The following ZFPM2 variants were observed in gnomAD, a reference collection of about 807,000 sequenced individuals.
ZFPM2 encodes zinc finger protein ZFPM2.
Under a neutral mutation model 98.6 loss-of-function variants are expected in ZFPM2, and 20 were observed. The observed-to-expected ratio is 0.20, with a 90% CI of 0.14 to 0.29. The LOEUF is 0.29. ZFPM2 is among the 10% of genes least tolerant of loss of function. The probability of loss-of-function intolerance (pLI) is 1.00; values close to 1 mark genes in which losing one functional copy is unlikely to be tolerated. For synonymous variants in ZFPM2, 518 were observed against 502.7 expected (o/e 1.03, Z -0.41); for missense variants, 1,310 against 1,388.6 (o/e 0.94, Z 0.90).
intron 4 of ZFPM2, among the ~76,000 whole-genome samples, chr8:105,577,037 T>C (rs116206259): frequency 0.013 from 1,943 of 152,272 alleles, 51 homozygotes; most frequent in African/African-American, 0.045. Context: ...ACAGTTTTCC[T>C]CTGCTGAATC....
chr8:105,543,479 A>T (rs1814624534), intron 3 of ZFPM2, among the ~76,000 whole-genome samples: 1 of 152,156 alleles, frequency 6.6e-6, no homozygotes. Flanking sequence ...GGGGAATTTA[A>T]TCATATGGGC....
intron 1 of ZFPM2, among the ~76,000 whole-genome samples, chr8:105,383,366 G>A (rs1370591526): frequency 6.6e-6 from 1 of 152,144 alleles, no homozygotes; most frequent in Non-Finnish European, 1.5e-5. Flanking sequence ...GTCATAGAAA[G>A]CATACAGAGT....
intron 5 of ZFPM2, among the ~76,000 whole-genome samples, chr8:105,727,192 A>G (rs1454710429): frequency 2.0e-5 from 3 of 151,126 alleles, no homozygotes; most frequent in Non-Finnish European, 4.4e-5. Context: ...ATTGCTGGGT[A>G]CAAGAGTACA....
chr8:105,560,169 CA>C (rs34623592), intron 3 of ZFPM2, among the ~76,000 whole-genome samples: 50 of 67,602 alleles, frequency 7.4e-4, no homozygotes, highest in Admixed American at 3.0e-3. Flanking sequence ...AACTCTGTCT[CA>C]AAAAAAAAAA....
intron 5 of ZFPM2, among the ~76,000 whole-genome samples, chr8:105,757,549 G>A (rs1812631886): frequency 1.3e-5 from 2 of 152,060 alleles, no homozygotes; most frequent in Admixed American, 6.6e-5. Flanking sequence ...TATACTTTAT[G>A]ACTCCATAAT....
At chr8:105,687,259 C>T (rs2130930883) in intron 5 of ZFPM2, among the ~76,000 whole-genome samples, 1 of 152,254 alleles carries the variant, frequency 6.6e-6, no homozygotes, top group East Asian at 1.9e-4. Flanking sequence ...GAAATATATG[C>T]TGTTGTTGTT....
intron 3 of ZFPM2, among the ~76,000 whole-genome samples, chr8:105,554,301 T>C (rs1299873117): frequency 1.3e-5 from 2 of 152,154 alleles, no homozygotes; most frequent in Non-Finnish European, 2.9e-5. Context: ...AGTTTGGCTG[T>C]GAAGATAATC....
chr8:105,682,568 T>C (rs1169991628), intron 5 of ZFPM2, among the ~76,000 whole-genome samples: 1 of 152,160 alleles, frequency 6.6e-6, no homozygotes, highest in Non-Finnish European at 1.5e-5. Context: ...TGATTGGATT[T>C]ATACATCTTG....
intron 4 of ZFPM2, among the ~76,000 whole-genome samples, chr8:105,595,287 A>G (rs1444456820): frequency 6.6e-6 from 1 of 152,024 alleles, no homozygotes; most frequent in Non-Finnish European, 1.5e-5. Context: ...GTGTCTCTAG[A>G]CAAGAGAGAA....
intron 5 of ZFPM2, among the ~76,000 whole-genome samples, chr8:105,726,915 C>T (rs923735468): frequency 2.6e-5 from 4 of 151,138 alleles, no homozygotes; most frequent in African/African-American, 2.4e-5. Flanking sequence ...ATAGAACATG[C>T]GAAGAGTATG....
At chr8:105,665,258 T>C (rs1817467365) in intron 5 of ZFPM2, among the ~76,000 whole-genome samples, 1 of 152,136 alleles carries the variant, frequency 6.6e-6, no homozygotes, top group Admixed American at 6.5e-5. Context: ...CCCAAACACC[T>C]TTCACTAGGG....
At chr8:105,637,804 A>G (rs1007702263) in intron 5 of ZFPM2, among the ~76,000 whole-genome samples, 1 of 152,122 alleles carries the variant, frequency 6.6e-6, no homozygotes, top group Admixed American at 6.6e-5. Flanking sequence ...CCTCAAAGCA[A>G]AAGCGTTTTG....
intron 5 of ZFPM2, among the ~76,000 whole-genome samples, chr8:105,699,256 A>G (rs1811087879): frequency 6.6e-6 from 1 of 152,142 alleles, no homozygotes; most frequent in Non-Finnish European, 1.5e-5. Context: ...GTAAATTACT[A>G]AAATGGTATT....
At chr8:105,586,308 A>G (rs187147771) in intron 4 of ZFPM2, among the ~76,000 whole-genome samples, 8 of 151,922 alleles carry the variant, frequency 5.3e-5, no homozygotes, top group Non-Finnish European at 1.2e-4. Flanking sequence ...CATGTTGTCA[A>G]AAGAGCTTAG....
intron 5 of ZFPM2, among the ~76,000 whole-genome samples, chr8:105,675,260 T>C (rs1338903871): frequency 6.6e-6 from 1 of 152,196 alleles, no homozygotes; most frequent in Non-Finnish European, 1.5e-5. Context: ...AAAGATATGT[T>C]CATTCCATGG....
intron 1 of ZFPM2, among the ~76,000 whole-genome samples, chr8:105,335,209 G>T (rs750684634): frequency 2.6e-5 from 4 of 151,742 alleles, no homozygotes; most frequent in Non-Finnish European, 4.4e-5. Context: ...GGAACCTAGA[G>T]CCTAGGAACA....
chr8:105,777,687 T>A (rs1450302537), intron 5 of ZFPM2, among the ~76,000 whole-genome samples: 1 of 152,212 alleles, frequency 6.6e-6, no homozygotes, highest in Non-Finnish European at 1.5e-5. Flanking sequence ...ATTGTGCAGA[T>A]CTTTATCAAT....
In ZFPM2 at chr8:105,484,184, A is replaced by G. The variant is rs553054970; in HGVS notation, c.301+39803A>G. Among the ~76,000 whole-genome samples, 10 of 152,276 alleles carry G rather than the reference A, an allele frequency of 6.6e-5. No homozygotes were observed. In the East Asian group the frequency reaches 1.9e-3, roughly 29 times the overall value. ...ATTCATCGATTTCAGAAAGCTTTAGACATTATTTCTTCAAAATATTTCTAT... is the reference window on the plus strand; with the variant it reads ...ATTCATCGATTTCAGAAAGCTTTAGGCATTATTTCTTCAAAATATTTCTAT... On this transcript the variant is annotated intron_variant, in intron 3 of 7. Transcript: ENST00000407775.
At chr8:105,475,473 C>T (rs1288841735) in intron 3 of ZFPM2, among the ~76,000 whole-genome samples, 1 of 152,152 alleles carries the variant, frequency 6.6e-6, no homozygotes, top group Non-Finnish European at 1.5e-5. Flanking sequence ...TGGCAGAGAT[C>T]AAGTGTTTGA....
Sources: allele counts gnomAD v4.1 joint callset (sites outside exome capture counted in the v4.1 genomes callset), GRCh38; gene constraint gnomAD v4.1.1; transcripts MANE v1.5; gene names NCBI Gene and HGNC (gene_info 2026-07-23, HGNC 2026-07-21).